HPCAL1: variants seen among roughly 807,000 people sequenced by gnomAD.
The protein encoded by HPCAL1 is hippocalcin-like protein 1.
In HPCAL1, 8 loss-of-function variants were observed where a neutral mutation model predicts 17.1. The observed-to-expected ratio is 0.47, with a 90% confidence interval of 0.27 to 0.84. The LOEUF (loss-of-function observed/expected upper bound fraction) is 0.84, where lower values mean the gene tolerates loss of function less well. Ranked by LOEUF, HPCAL1 falls within the 40% of genes least tolerant of loss-of-function variation. The pLI, the probability that HPCAL1 is intolerant of heterozygous loss-of-function variation, is 0.13. For missense variants in HPCAL1, 165 were observed against 271.1 expected, an observed-to-expected ratio of 0.61 and a Z score of 2.75; for synonymous variants, 112 against 111.4, an observed-to-expected ratio of 1.01 and a Z score of -0.03.
chr2:10,307,021 G>T (rs150182750), intron 1 of HPCAL1, among the ~76,000 whole-genome samples: 12 of 152,196 alleles, frequency 7.9e-5, no homozygotes, highest in African/African-American at 2.9e-4. Context: ...CAGCTGGGTT[G>T]TCTGGGTATT....
At chr2:10,355,771 CTT>C (rs922309061) in intron 1 of HPCAL1, among the ~76,000 whole-genome samples, 5 of 148,550 alleles carry the variant, frequency 3.4e-5, no homozygotes, top group Admixed American at 3.4e-4. Context: ...GAGATGGACA[CTT>C]TTTTTTTTTC....
chr2:10,334,875 G>T (rs961163558), intron 1 of HPCAL1, among the ~76,000 whole-genome samples: 2 of 152,098 alleles, frequency 1.3e-5, no homozygotes, highest in African/African-American at 2.4e-5. Context: ...TCAGGGTTTT[G>T]CCAAGTTGCC....
chr2:10,346,205 G>C (rs534652785), intron 1 of HPCAL1, among the ~76,000 whole-genome samples: 1 of 151,880 alleles, frequency 6.6e-6, no homozygotes, highest in Admixed American at 6.5e-5. Context: ...CTTCTTTGAG[G>C]GGGGGTGACG....
intron 2 of HPCAL1, among the ~76,000 whole-genome samples, chr2:10,408,375 T>C (rs1347126159): frequency 6.6e-6 from 1 of 152,182 alleles, no homozygotes; most frequent in African/African-American, 2.4e-5. Flanking sequence ...TTCGGTTGGA[T>C]TTCTCAACAA....
chr2:10,392,759 T>G (rs977134599), intron 1 of HPCAL1, among the ~76,000 whole-genome samples: 1 of 152,166 alleles, frequency 6.6e-6, no homozygotes, highest in Non-Finnish European at 1.5e-5. Flanking sequence ...TTCCAGACAG[T>G]CCAGCCATGC....
chr2:10,392,977 C>T (rs568213198), intron 1 of HPCAL1, among the ~76,000 whole-genome samples: 27 of 152,336 alleles, frequency 1.8e-4, no homozygotes, highest in African/African-American at 6.5e-4. Flanking sequence ...AGCGCTCAGC[C>T]AAAGGGCAGC....
intron 1 of HPCAL1, among the ~76,000 whole-genome samples, chr2:10,336,138 C>CATGTTCGTATCCTCTGG (rs1664708496): frequency 1.2e-5 from 1 of 81,368 alleles, no homozygotes; most frequent in Non-Finnish European, 3.0e-5. Context: ...GTATCCTCTG[C>CATGTTCGTATCCTCTGG]TGTAAATTAA....
At chr2:10,420,320 C>T (rs576829154) in intron 3 of HPCAL1, among the ~76,000 whole-genome samples, 185 bp downstream of exon 3, 2 of 147,400 alleles carry the variant, frequency 1.4e-5, no homozygotes, top group East Asian at 4.2e-4. Flanking sequence ...GGTGATTTTT[C>T]CGCTTCAGCC....
rs568563239 is a variant in HPCAL1, at chr2:10,418,932, G to A, written c.-24-802G>A. Among the ~76,000 whole-genome samples, 48 of 152,240 alleles carry A rather than the reference G, an allele frequency of 3.2e-4. No individual in the cohort carries two copies. The South Asian group carries it at 5.4e-3, about 17-fold the overall frequency. On this transcript the variant is annotated intron_variant, in intron 2 of 4. Coordinates refer to ENST00000307845, the MANE Select transcript of HPCAL1 (RefSeq NM_002149.4). ...AAAGGCAAAATAAAGAGGGTGGGCC[G>A]GGGACAGTGGCTCACACCTGTAATC...
At chr2:10,396,323 G>A (rs1340131561) in intron 1 of HPCAL1, among the ~76,000 whole-genome samples, 1 of 152,222 alleles carries the variant, frequency 6.6e-6, no homozygotes, top group Non-Finnish European at 1.5e-5. Flanking sequence ...AAGAAACCGT[G>A]GAGGCTGGAG....
intron 2 of HPCAL1, among the ~76,000 whole-genome samples, chr2:10,407,197 ACT>A (rs1252459966): frequency 1.3e-5 from 2 of 151,826 alleles, no homozygotes; most frequent in African/African-American, 4.8e-5. Context: ...TGGCCCCAAA[ACT>A]CTACTCTGCT....
chr2:10,355,595 C>T (rs945670988), intron 1 of HPCAL1, among the ~76,000 whole-genome samples: 5 of 150,088 alleles, frequency 3.3e-5, no homozygotes, highest in Non-Finnish European at 7.4e-5. Flanking sequence ...AAGAGGGTTT[C>T]GTTTTCCTGG....
rs1671480719 is a variant in HPCAL1, at chr2:10,427,283, C to T, written c.*462C>T. 1 of 173,630 alleles carries T rather than the reference C, an allele frequency of 5.8e-6. No homozygotes were observed. Among genetic ancestry groups the T allele is most frequent in the African/African-American group, 2.4e-5 (1 of 42,048 alleles). The allele number at this position is 173,630 out of a possible 1,614,324, so 10.8% of individuals were successfully genotyped here. The stretch of plus-strand genomic sequence containing the variant: ...GCCCCCCCGTTCATTTTCTCCACCA[C>T]AGCCGCTTGCACGTATAGATACTGT... On this transcript the variant is annotated 3_prime_UTR_variant, in exon 5 of 5. Transcript: ENST00000307845.
chr2:10,400,977 A>G (rs530442629), intron 2 of HPCAL1, among the ~76,000 whole-genome samples: 1 of 152,314 alleles, frequency 6.6e-6, no homozygotes, highest in Non-Finnish European at 1.5e-5. Context: ...CAGATCCCAC[A>G]TGAGCAAGAC....
At chr2:10,383,697 G>GAA (rs56132469) in intron 1 of HPCAL1, among the ~76,000 whole-genome samples, 5 of 150,290 alleles carry the variant, frequency 3.3e-5, no homozygotes, top group African/African-American at 4.9e-5. Context: ...GAAAAGAAAA[G>GAA]AAAAAAAAGG....
rs1411223178 is a variant in HPCAL1, at chr2:10,365,710, C to T, written c.-110-31125C>T. Among the ~76,000 whole-genome samples, 2 of 152,166 alleles carry T rather than the reference C, an allele frequency of 1.3e-5. No individual in the cohort carries two copies. The highest frequency in any genetic ancestry group is 4.8e-5 in the African/African-American group (2 of 41,436). On this transcript the variant is annotated intron_variant, in intron 1 of 4. Transcript: ENST00000307845. This position sits in a 1 kb window ranked among gnomAD's most constrained non-coding sequence, Gnocchi z 4.8. ...CGCCCACCCTCCTTCAGGCTCCCTA[C>T]ACCCACCTGAGTGGGCCTTTCTGTG...
At chr2:10,307,239 CT>C (rs1451309921) in intron 1 of HPCAL1, among the ~76,000 whole-genome samples, 1 of 152,168 alleles carries the variant, frequency 6.6e-6, no homozygotes, top group Middle Eastern at 3.2e-3. Context: ...AGGAAGAAGG[CT>C]TTTGGGTGGT....
At chr2:10,306,604 C>T (rs1272414576) in intron 1 of HPCAL1, among the ~76,000 whole-genome samples, 5 of 151,822 alleles carry the variant, frequency 3.3e-5, no homozygotes, top group African/African-American at 4.8e-5. Flanking sequence ...AGTTACCCTA[C>T]GGAAAAAAGG....
chr2:10,410,964 C>T (rs539962186), intron 2 of HPCAL1, among the ~76,000 whole-genome samples: 6 of 147,846 alleles, frequency 4.1e-5, no homozygotes, highest in Admixed American at 6.7e-5. Flanking sequence ...CAGCCTGCGT[C>T]GGGCCCGACA....
Sources: gnomAD v4.1 joint callset for allele counts (sites outside exome capture counted in the v4.1 genomes callset) on GRCh38, gnomAD v4.1.1 for gene constraint, Gnocchi (gnomAD v3.1) non-coding constraint, MANE v1.5 for transcripts, NCBI Gene and HGNC (gene_info 2026-07-23, HGNC 2026-07-21) for gene names.